Variants in FRMPD4 observed in about 807,000 individuals in gnomAD.
FRMPD4 encodes FERM and PDZ domain containing 4.
Under a neutral mutation model 94.1 loss-of-function variants are expected in FRMPD4, and 22 were observed. The observed-to-expected ratio is 0.23, with a 90% CI of 0.17 to 0.33. The LOEUF (loss-of-function observed/expected upper bound fraction) is 0.33, where lower values mean the gene tolerates loss of function less well. Ranked by LOEUF, FRMPD4 falls within the 10% of genes least tolerant of loss-of-function variation. FRMPD4 has a pLI of 1.00. For missense variants in FRMPD4, 1,111 were observed against 1,339.9 expected, an observed-to-expected ratio of 0.83 and a Z score of 2.67; for synonymous variants, 631 against 548.6, an observed-to-expected ratio of 1.15 and a Z score of -2.10.
chrX:12,552,216 C>T (rs2058544979), intron 2 of FRMPD4, among the ~76,000 whole-genome samples: 1 of 111,861 alleles, frequency 8.9e-6, no homozygotes, highest in South Asian at 3.7e-4. Context: ...TGGGAGCTAG[C>T]AGTATTTATT....
chrX:12,097,838 G>T (rs972974900), intron 3 of FRMPD4, among the ~76,000 whole-genome samples: 2 of 112,423 alleles, frequency 1.8e-5, no homozygotes, highest in African/African-American at 3.2e-5. Context: ...GGACATGTGG[G>T]TTGTGTCCAC....
chrX:12,450,207 GGGTTA>G (rs1385203346), intron 1 of FRMPD4, among the ~76,000 whole-genome samples: 2 of 110,635 alleles, frequency 1.8e-5, no homozygotes, highest in African/African-American at 6.6e-5. Context: ...CTCTCTGTTT[GGGTTA>G]GGTTCTATGA....
chrX:12,587,844 A>G (rs1248761754), intron 2 of FRMPD4, among the ~76,000 whole-genome samples: 1 of 112,061 alleles, frequency 8.9e-6, no homozygotes, highest in African/African-American at 3.2e-5. Flanking sequence ...GCTGGGTCAT[A>G]TAGTAACTCT....
intron 2 of FRMPD4, among the ~76,000 whole-genome samples, chrX:12,506,223 A>C (rs1309401234): frequency 8.9e-6 from 1 of 111,926 alleles, no homozygotes; most frequent in African/African-American, 3.2e-5. Flanking sequence ...AAGGTATGAA[A>C]ATGTAAAGCT....
At chrX:12,072,161 T>C (rs756714404) in intron 3 of FRMPD4, among the ~76,000 whole-genome samples, 3 of 110,975 alleles carry the variant, frequency 2.7e-5, no homozygotes, top group Non-Finnish European at 3.8e-5. Flanking sequence ...TGGCCCTTCA[T>C]TGGTGTTTAA....
At position 12,693,845 on chromosome X, in the gene FRMPD4, C is replaced by A. The variant is rs368926562; in HGVS notation, c.814-490C>A. Among the ~76,000 whole-genome samples, 11 of 111,895 alleles carry A rather than the reference C, an allele frequency of 9.8e-5. 1 individual carries two copies. The East Asian group carries it at 1.4e-3, about 14-fold the overall frequency. Reference sequence around the variant, plus strand: ...TCTGCAGATCTTCTTCCAAGGACTGCCCTCAGACTACCGGAGCCCATCGTG... The same window carrying A: ...TCTGCAGATCTTCTTCCAAGGACTGACCTCAGACTACCGGAGCCCATCGTG... On this transcript the variant is annotated intron_variant, in intron 8 of 16. Coordinates refer to ENST00000675598, the MANE Select transcript of FRMPD4 (RefSeq NM_001368397.1).
At chrX:12,048,134 C>T (rs1042642117) in intron 3 of FRMPD4, among the ~76,000 whole-genome samples, 1 of 112,635 alleles carries the variant, frequency 8.9e-6, no homozygotes, top group African/African-American at 3.2e-5. Context: ...ATAAGCATTC[C>T]CTTTGCTTCA....
chrX:12,537,019 A>T (rs1351870759), intron 2 of FRMPD4, among the ~76,000 whole-genome samples: 1 of 111,658 alleles, frequency 9.0e-6, no homozygotes, highest in African/African-American at 3.3e-5. Context: ...TTTATGTCCA[A>T]GGCAATGGCC....
chrX:12,638,188 A>C (rs756610756), intron 4 of FRMPD4, among the ~76,000 whole-genome samples: 8 of 112,583 alleles, frequency 7.1e-5, no homozygotes, highest in Non-Finnish European at 1.9e-5. Context: ...TGTTTTCTCA[A>C]ACACACAAGT....
intron 3 of FRMPD4, among the ~76,000 whole-genome samples, chrX:12,021,309 G>T (rs183374612): frequency 9.0e-6 from 1 of 111,581 alleles, no homozygotes; most frequent in Admixed American, 9.5e-5. Context: ...ACACTTCTGT[G>T]CTTTCTTCTC....
In FRMPD4 at chrX:11,979,867, A is replaced by G. The variant is rs182394182; in HGVS notation, c.95+101849A>G. 9.8e-5 allele frequency among the ~76,000 whole-genome samples: 11 copies of G among 111,890 alleles called. No individual in the cohort carries two copies. In the Admixed American group the frequency reaches 1.0e-3, roughly 11 times the overall value. ...CTGATAAATAGAAGTTCTTTATTTT[A>G]CTATAAATGAATTCATCCAAATATT... is the stretch of plus-strand genomic sequence containing the variant. On this transcript the variant is annotated intron_variant, in intron 3 of 18. Transcript: ENST00000640291.
At chrX:12,094,409 C>A (rs183171864) in intron 3 of FRMPD4, among the ~76,000 whole-genome samples, 147 of 112,190 alleles carry the variant, frequency 1.3e-3, no homozygotes, top group African/African-American at 4.7e-3. Flanking sequence ...ACTTTTCCTG[C>A]TTTTCTAGAT....
chrX:12,680,627 A>G (rs2059961330), intron 5 of FRMPD4, among the ~76,000 whole-genome samples: 1 of 112,265 alleles, frequency 8.9e-6, no homozygotes, highest in African/African-American at 3.2e-5. Context: ...ATGAATTCTT[A>G]GTTAGAAGTT....
chrX:12,244,973 A>T (rs1336876397), intron 1 of FRMPD4, among the ~76,000 whole-genome samples: 1 of 112,834 alleles, frequency 8.9e-6, no homozygotes, highest in Non-Finnish European at 1.9e-5. Flanking sequence ...TGAGGGGCGT[A>T]AAGTTTTTAA....
intron 1 of FRMPD4, among the ~76,000 whole-genome samples, chrX:12,267,912 G>C (rs1234604532): frequency 8.9e-6 from 1 of 112,949 alleles, no homozygotes; most frequent in Non-Finnish European, 1.9e-5. Flanking sequence ...TGCTGTCTTA[G>C]TCATTTTTGG....
intron 1 of FRMPD4, among the ~76,000 whole-genome samples, chrX:12,332,018 T>G (rs1193543570): frequency 1.5e-5 from 1 of 66,554 alleles, no homozygotes; most frequent in Non-Finnish European, 2.5e-5. Context: ...ATATACTATA[T>G]ATAAATTATA....
intron 9 of FRMPD4, among the ~76,000 whole-genome samples, chrX:12,701,064 CTTCTTTTTTTTT>C (rs2060184228): frequency 1.1e-5 from 1 of 87,242 alleles, no homozygotes; most frequent in South Asian, 5.8e-4. Flanking sequence ...TTTGTTTTGG[CTTCTTTTTTTTT>C]TTTTTTTTTT....
intron 1 of FRMPD4, among the ~76,000 whole-genome samples, chrX:12,489,515 A>C (rs1031247502): frequency 3.6e-5 from 4 of 112,196 alleles, no homozygotes. Context: ...TATCTCTTAA[A>C]ATGATGAGTG....
chrX:11,872,738 G>A lies in FRMPD4; in HGVS notation c.-29-5157G>A, dbSNP rs759394980. Among the ~76,000 whole-genome samples the A allele has an allele frequency of 7.1e-5, 8 of 112,358 alleles. No homozygotes were observed. In the East Asian group the frequency reaches 1.9e-3, roughly 27 times the overall value. On this transcript the variant is annotated intron_variant, in intron 2 of 18. Transcript: ENST00000640291. ...GAGTTTAACATTTTGAGTTAACACTGTATCAGCCGTATAAGAAGGGCTGAA... is the reference window on the plus strand; with the variant it reads ...GAGTTTAACATTTTGAGTTAACACTATATCAGCCGTATAAGAAGGGCTGAA...
Sources: gnomAD v4.1 joint callset for allele counts (sites outside exome capture counted in the v4.1 genomes callset) on GRCh38, gnomAD v4.1.1 for gene constraint, MANE v1.5 for transcripts, NCBI Gene and HGNC (gene_info 2026-07-23, HGNC 2026-07-21) for gene names.